BCAN: variants seen among roughly 807,000 people sequenced by gnomAD.
The protein encoded by BCAN is brevican, also known as brevican core protein.
BCAN carries 51 observed loss-of-function variants against 92.4 expected under a neutral mutation model. The ratio of observed to expected loss-of-function variants is 0.55; its 90% confidence interval spans 0.44 to 0.70. The LOEUF (loss-of-function observed/expected upper bound fraction) is 0.70, where lower values mean the gene tolerates loss of function less well. Ranked by LOEUF, BCAN falls within the 30% of genes least tolerant of loss-of-function variation. The probability of loss-of-function intolerance (pLI) is 0.00; values close to 1 mark genes in which losing one functional copy is unlikely to be tolerated. For synonymous variants in BCAN, 501 were observed against 505.2 expected, an observed-to-expected ratio of 0.99 and a Z score of 0.11; for missense variants, 1,140 against 1,212.1, an observed-to-expected ratio of 0.94 and a Z score of 0.88.
At chr1:156,643,046 A>G (rs1423743403) in intron 1 of BCAN, 1 of 152,086 alleles carries the variant, frequency 6.6e-6, no homozygotes, top group Non-Finnish European at 1.5e-5. Flanking sequence ...GTATTCCCCC[A>G]CCTATTGGAA....
rs1679429617 is a variant in BCAN, at chr1:156,658,829, C to G, written c.2628+96C>G. On this transcript the variant is annotated intron_variant, in intron 13 of 13. Coordinates refer to ENST00000329117, the MANE Select transcript of BCAN (RefSeq NM_021948.5). This position sits in a 1 kb window ranked among gnomAD's most constrained non-coding sequence, Gnocchi z 4.4. Reference sequence around the variant, plus strand: ...TCCTGCCTGTCACTGGCCATGTGACCTTGGAGCCATCACTGCCCCTCTCTG... The same window carrying G: ...TCCTGCCTGTCACTGGCCATGTGACGTTGGAGCCATCACTGCCCCTCTCTG... 2 of 1,538,036 alleles carry G rather than the reference C, an allele frequency of 1.3e-6. No homozygotes were observed. The highest frequency in any genetic ancestry group is 2.3e-5 in the East Asian group (1 of 43,838).
In BCAN at chr1:156,647,435, A is replaced by C; in HGVS notation, c.467-73A>C. 1 of 1,395,902 alleles carries C rather than the reference A, an allele frequency of 7.2e-7. No individual in the cohort carries two copies. The highest frequency in any genetic ancestry group is 1.4e-5 in the South Asian group (1 of 71,732). 86.5% of individuals were successfully genotyped at this position (1,395,902 alleles called of 1,614,324 possible). A position where few individuals can be genotyped will look rare whatever the true frequency, so the allele number is the denominator to read the frequency against. ...CTTTATTTACCCTTGTGTACAGAGG[A>C]GTGACAAGGAGGGTGAGGGGAGGCC... On this transcript the variant is annotated intron_variant, in intron 3 of 13. Transcript: ENST00000329117. This position sits in a 1 kb window ranked among gnomAD's most constrained non-coding sequence, Gnocchi z 4.8.
At chr1:156,653,945 A>G (rs934164028) in intron 8 of BCAN, among the ~76,000 whole-genome samples, 2 of 152,088 alleles carry the variant, frequency 1.3e-5, no homozygotes, top group Non-Finnish European at 2.9e-5. Flanking sequence ...GTTCCCTGGC[A>G]TTCAGTTGCC....
Position 156,647,378 on chromosome 1 carries a change from G to A in BCAN, c.467-130G>A, listed in dbSNP as rs1185377781. ...ACATTCTACCCACAATCTAACTTAA[G>A]TCCCTCATGCTGTAGAGTGAGCACA... is the stretch of plus-strand genomic sequence containing the variant. On this transcript the variant is annotated intron_variant, in intron 3 of 13. Transcript: ENST00000329117. This position sits in a 1 kb window ranked among gnomAD's most constrained non-coding sequence, Gnocchi z 4.8. The A allele has an allele frequency of 9.6e-6, 11 of 1,148,872 alleles. No homozygotes were observed. The highest frequency in any genetic ancestry group is 1.3e-5 in the Non-Finnish European group (11 of 822,658). The allele number at this position is 1,148,872 out of a possible 1,614,324, so 71.2% of individuals were successfully genotyped here.
chr1:156,645,158 C>T (rs1678918264), intron 1 of BCAN, among the ~76,000 whole-genome samples: 1 of 148,678 alleles, frequency 6.7e-6, no homozygotes, highest in Non-Finnish European at 1.5e-5. Flanking sequence ...AGGGGTAGCC[C>T]CTCCCATTTA....
Position 156,646,860 on chromosome 1 carries a change from G to C in BCAN, c.151G>C (p.Gly51Arg), listed in dbSNP as rs780606145. ...CGCGCCACTGCAGGGCGTGCTCGGC[G>C]GCGCCCTCACCATCCCTTGCCACGT... ...GDAPLQGVLG[G>R]ALTIPCHVHY... The change falls in exon 3 of 14, where the codon GGC becomes CGC. Residue 51 changes from glycine to arginine, a missense_variant. Physicochemically the swap from Gly to Arg is moderately radical, Grantham distance 125. This residue lies in a region of BCAN where 286 missense variants were observed against 284.1 expected (regional missense o/e 1.01). Coordinates refer to ENST00000329117, the MANE Select transcript of BCAN (RefSeq NM_021948.5). 1 of 1,607,668 alleles carries C rather than the reference G, an allele frequency of 6.2e-7. No individual in the cohort carries two copies. The highest frequency in any genetic ancestry group is 8.5e-7 in the Non-Finnish European group (1 of 1,177,104).
Position 156,658,466 on chromosome 1 carries a change from T to G in BCAN, c.2438-77T>G, listed in dbSNP as rs1247378315. 1.8e-5 allele frequency: 28 copies of G among 1,537,392 alleles called. No individual in the cohort carries two copies. Among genetic ancestry groups the G allele is most frequent in the Non-Finnish European group, 2.5e-5 (28 of 1,138,098 alleles). ...CTTTTTTTGTCATGTTGTGGCCCAT[T>G]TTTCTCTTCCCCATGGAGATTCTGG... On this transcript the variant is annotated intron_variant, in intron 12 of 13. Transcript: ENST00000329117. This position sits in a 1 kb window ranked among gnomAD's most constrained non-coding sequence, Gnocchi z 4.4.
rs780551192 is a variant in BCAN, at chr1:156,646,960, G to A, written c.251G>A (p.Arg84Gln). 46 of 1,612,642 alleles carry A rather than the reference G, an allele frequency of 2.9e-5. No homozygotes were observed. The East Asian group carries it at 2.9e-4, about 10-fold the overall frequency. ...SPRVKWTFLS[R>Q]GREAEVLVAR... is the part of the protein sequence containing the mutation. ...CGGGTCAAGTGGACTTTCCTGTCCC[G>A]GGGCCGGGAGGCAGAGGTGCTGGTG... is the stretch of plus-strand genomic sequence containing the variant. The change falls in exon 3 of 14, where the codon CGG becomes CAG. Residue 84 changes from arginine (R) to glutamine (Q), a missense_variant. Physicochemically the swap from Arg to Gln is conservative, Grantham distance 43. This residue lies in a region of BCAN where 286 missense variants were observed against 284.1 expected (regional missense o/e 1.01). Coordinates refer to ENST00000329117, the MANE Select transcript of BCAN (RefSeq NM_021948.5).
At chr1:156,643,633 CACAGAGAGAG>C (rs1284093272) in intron 1 of BCAN, 3 of 90,830 alleles carry the variant, frequency 3.3e-5, no homozygotes, top group South Asian at 5.1e-4. Context: ...CACACACACA[CACAGAGAGAG>C]AGAGAGAGAG....
chr1:156,659,184 AT>A lies in BCAN; in HGVS notation c.*54del. On this transcript the variant is annotated 3_prime_UTR_variant, in exon 14 of 14. Coordinates refer to ENST00000329117, the MANE Select transcript of BCAN (RefSeq NM_021948.5). The stretch of plus-strand genomic sequence containing the variant: ...GCCACAGCACTGCCCTGTCACCCAA[AT>A]TTTCCCTCACACCCTGCGCTCCCGC... 1 of 1,413,516 alleles carries A rather than the reference AT, an allele frequency of 7.1e-7. No individual in the cohort carries two copies. 87.6% of individuals were successfully genotyped at this position (1,413,516 alleles called of 1,614,324 possible).
chr1:156,656,933 C>T lies in BCAN; in HGVS notation c.2051-5C>T, dbSNP rs369906988. On this transcript the variant is annotated splice_region_variant and splice_polypyrimidine_tract_variant and intron_variant, in intron 9 of 13. Transcript: ENST00000329117. ...CCCTAAGATGCCCGCCCTTATGTGC[C>T]GCAGGCCTCCGCTTCTGCAACCCCG... 6.2e-7 allele frequency: 1 copy of T among 1,612,836 alleles called. No individual in the cohort carries two copies. Among genetic ancestry groups the T allele is most frequent in the Non-Finnish European group, 8.5e-7 (1 of 1,179,138 alleles).
At chr1:156,650,446 A>G (rs920917484) in intron 6 of BCAN, among the ~76,000 whole-genome samples, 2 of 152,100 alleles carry the variant, frequency 1.3e-5, no homozygotes, top group Non-Finnish European at 2.9e-5. Flanking sequence ...CCTTCACTTC[A>G]TTGGTTTTCT....
Position 156,658,518 on chromosome 1 carries a change from A to T in BCAN, c.2438-25A>T. 1.2e-6 allele frequency: 2 copies of T among 1,600,498 alleles called. No individual in the cohort carries two copies. Among genetic ancestry groups the T allele is most frequent in the Non-Finnish European group, 1.7e-6 (2 of 1,170,030 alleles). ...AACTGTCACCCACAGAGCCAGGCTC[A>T]GTTCCTAACTGTCTTCCTTTGCAGT... On this transcript the variant is annotated intron_variant, in intron 12 of 13. Transcript: ENST00000329117. The surrounding 1 kb of genome is among the most constrained non-coding windows in gnomAD (Gnocchi z 4.4).
At chr1:156,651,822 A>C in intron 7 of BCAN, 133 bp downstream of exon 7, 1 of 811,794 alleles carries the variant, frequency 1.2e-6, no homozygotes, top group Non-Finnish European at 1.9e-6. Context: ...TCAGGGGTGC[A>C]GGGCACCTTT....
In BCAN at chr1:156,648,575, G is replaced by A. The variant is rs765457817; in HGVS notation, c.777G>A (p.Leu259=). ...CTTCTCTTCTCCACCCAGGAGAACT[G>A]TTCCTGGGTGACCCTCCAGAGAAGC... is the stretch of plus-strand genomic sequence containing the variant. ...YCYAEDLNGE[L]FLGDPPEKLT... The change falls in exon 6 of 14, where the codon CTG becomes CTA. Residue 259 remains leucine (L), a synonymous_variant. Coordinates refer to ENST00000329117, the MANE Select transcript of BCAN (RefSeq NM_021948.5). 7 of 1,590,752 alleles carry A rather than the reference G, an allele frequency of 4.4e-6. No homozygotes were observed. The highest frequency in any genetic ancestry group is 6.0e-6 in the Non-Finnish European group (7 of 1,161,484).
intron 2 of BCAN, chr1:156,646,450 C>T (rs768699561): frequency 6.1e-6 from 3 of 491,302 alleles, no homozygotes; most frequent in Non-Finnish European, 1.1e-5. Context: ...CTAAAGGGAG[C>T]AGACTGGGAA....
rs745994515 is a variant in BCAN at position 156,647,457 on chromosome 1, G to C, written c.467-51G>C. The stretch of plus-strand genomic sequence containing the variant: ...AGGAGTGACAAGGAGGGTGAGGGGA[G>C]GCCAGCGTGCTGGGTGCTCACCTGG... On this transcript the variant is annotated intron_variant, in intron 3 of 13. Transcript: ENST00000329117. The surrounding 1 kb of genome is among the most constrained non-coding windows in gnomAD (Gnocchi z 4.8). The C allele has an allele frequency of 4.7e-6, 7 of 1,491,080 alleles. No homozygotes were observed. The highest frequency in any genetic ancestry group is 6.3e-6 in the Non-Finnish European group (7 of 1,111,866). The allele number at this position is 1,491,080 out of a possible 1,614,324, so 92.4% of individuals were successfully genotyped here. A position where few individuals can be genotyped will look rare whatever the true frequency, so the allele number is the denominator to read the frequency against.
At chr1:156,655,891 A>G (rs1172414258) in intron 8 of BCAN, among the ~76,000 whole-genome samples, 1 of 152,230 alleles carries the variant, frequency 6.6e-6, no homozygotes, top group Non-Finnish European at 1.5e-5. Flanking sequence ...TAGAGAAGGA[A>G]AATGACCTGC....
At position 156,658,228 on chromosome 1, in the gene BCAN, G is replaced by A; in HGVS notation, c.2394G>A (p.Val798=). 6.2e-7 allele frequency: 1 copy of A among 1,614,096 alleles called. No homozygotes were observed. The highest frequency in any genetic ancestry group is 8.5e-7 in the Non-Finnish European group (1 of 1,180,010). Residue 798 remains valine (V), a synonymous_variant, in exon 12 of 14, where the codon GTG becomes GTA. Coordinates refer to ENST00000329117, the MANE Select transcript of BCAN (RefSeq NM_021948.5). The surrounding 1 kb of genome is among the most constrained non-coding windows in gnomAD (Gnocchi z 4.4). ...ATGATCAGGGACAATGGAGTGACGT[G>A]CCCTGCAACTACCACCTGTCCTACA... is the stretch of plus-strand genomic sequence containing the variant. ...VWHDQGQWSD[V]PCNYHLSYTC...
Sources: allele counts gnomAD v4.1 joint callset (sites outside exome capture counted in the v4.1 genomes callset), GRCh38; gene constraint gnomAD v4.1.1; regional missense constraint gnomAD v4.1.1; non-coding constraint Gnocchi (gnomAD v3.1); transcripts MANE v1.5; gene names NCBI Gene and HGNC (gene_info 2026-07-23, HGNC 2026-07-21).